CCDC63: variants seen among roughly 807,000 people sequenced by gnomAD.
The protein encoded by CCDC63 is coiled-coil domain-containing protein 63.
CCDC63 carries 54 observed loss-of-function variants against 63.6 expected under a neutral mutation model. That is an observed-to-expected ratio of 0.85 (90% CI 0.68 to 1.07). CCDC63 has a LOEUF of 1.07. Among genes scored for constraint, CCDC63 ranks in the 50% least tolerant of loss-of-function variants. The pLI, the probability that CCDC63 is intolerant of heterozygous loss-of-function variation, is 0.00. For missense variants in CCDC63, 637 were observed against 689.6 expected (o/e 0.92, Z 0.86); for synonymous variants, 253 against 266.1 (o/e 0.95, Z 0.48).
chr12:110,859,370 A>C lies in CCDC63; in HGVS notation c.369+595A>C, dbSNP rs139959600. Among the ~76,000 whole-genome samples, 24 of 151,818 alleles carry C rather than the reference A, an allele frequency of 1.6e-4. No homozygotes were observed. In the East Asian group the frequency reaches 4.6e-3, roughly 29 times the overall value. Reference sequence around the variant, plus strand: ...TGCCCAGGCTGGAATGCAGTGGTGCAATCTTGGCTCACTGCAACCTCTGCT... The same window carrying C: ...TGCCCAGGCTGGAATGCAGTGGTGCCATCTTGGCTCACTGCAACCTCTGCT... On this transcript the variant is annotated intron_variant, in intron 4 of 11. Coordinates refer to ENST00000308208, the MANE Select transcript of CCDC63 (RefSeq NM_152591.3).
chr12:110,875,053 C>T (rs1264790380), intron 5 of CCDC63, among the ~76,000 whole-genome samples: 1 of 152,154 alleles, frequency 6.6e-6, no homozygotes, highest in African/African-American at 2.4e-5. Context: ...CTCTTAGCTT[C>T]CCCCAGACTT....
In CCDC63 at chr12:110,899,097, C is replaced by T. The variant is rs1166710529; in HGVS notation, c.1314C>T (p.Val438=). The part of the protein sequence containing the change: ...ILVQLGETGK[V]TDINLPQYFA... ...TGCAGTTAGGGGAGACGGGGAAAGTCACTGACATCAACCTTCCGCAGTATT... is the reference window on the plus strand; with the variant it reads ...TGCAGTTAGGGGAGACGGGGAAAGTTACTGACATCAACCTTCCGCAGTATT... The change falls in exon 10 of 12, where the codon GTC becomes GTT. Residue 438 remains valine, a synonymous_variant. Transcript: ENST00000308208. 36 of 1,612,806 alleles carry T rather than the reference C, an allele frequency of 2.2e-5. No individual in the cohort carries two copies. The highest frequency in any genetic ancestry group is 2.8e-5 in the Non-Finnish European group (33 of 1,179,470).
At chr12:110,888,582 A>C (rs2071314067) in intron 8 of CCDC63, among the ~76,000 whole-genome samples, 2 of 152,324 alleles carry the variant, frequency 1.3e-5, no homozygotes, top group Non-Finnish European at 2.9e-5. Flanking sequence ...CTGTTGAATA[A>C]GTCCAGAGAG....
Position 110,884,269 on chromosome 12 carries a change from T to A in CCDC63, c.1074+19T>A, listed in dbSNP as rs757729675. The A allele has an allele frequency of 3.1e-6, 5 of 1,603,466 alleles. No homozygotes were observed. In the East Asian group the frequency reaches 1.1e-4, roughly 36 times the overall value. ...AATCCAGGTCAGGGCGGCTCTGCTT[T>A]CCCAGGCCCTGGGCCCCTGTGTCCA... On this transcript the variant is annotated intron_variant, in intron 8 of 11. Transcript: ENST00000308208.
chr12:110,868,401 A>T (rs931548020), intron 4 of CCDC63, among the ~76,000 whole-genome samples: 8 of 150,074 alleles, frequency 5.3e-5, no homozygotes, highest in Non-Finnish European at 1.2e-4. Context: ...TGTAGGTTGT[A>T]GCGAGCCGAG....
chr12:110,844,522 A>C (rs1418360792), upstream of CCDC63, among the ~76,000 whole-genome samples: 1 of 152,220 alleles, frequency 6.6e-6, no homozygotes, highest in African/African-American at 2.4e-5. Flanking sequence ...GTAGAAAAGC[A>C]TCTCCCTCTA....
chr12:110,905,780 T>C (rs2071551805), intron 11 of CCDC63, among the ~76,000 whole-genome samples: 1 of 141,430 alleles, frequency 7.1e-6, no homozygotes, highest in Non-Finnish European at 1.5e-5. Flanking sequence ...CTAAAAACAT[T>C]CTCTACATAT....
chr12:110,857,343 T>C (rs984091920), intron 3 of CCDC63, among the ~76,000 whole-genome samples: 2 of 149,934 alleles, frequency 1.3e-5, no homozygotes, highest in African/African-American at 4.9e-5. Context: ...GCCAGGCTGG[T>C]CTCGAACTCC....
At chr12:110,858,551 G>A in intron 3 of CCDC63, 35 bp from the exon 4 acceptor site, 1 of 1,583,614 alleles carries the variant, frequency 6.3e-7, no homozygotes. Flanking sequence ...TAAACTTAGG[G>A]GTTTGGGGTT....
At chr12:110,854,475 A>G (rs2070746305) in intron 3 of CCDC63, among the ~76,000 whole-genome samples, 1 of 151,338 alleles carries the variant, frequency 6.6e-6, no homozygotes, top group South Asian at 2.1e-4. Context: ...TTGTATTTTT[A>G]GTAGAGGCAA....
At position 110,904,874 on chromosome 12, in the gene CCDC63, A is replaced by G. The variant is rs2071539179; in HGVS notation, c.1546+83A>G. 3.5e-6 allele frequency: 4 copies of G among 1,157,578 alleles called. No individual in the cohort carries two copies. In the South Asian group the frequency reaches 4.6e-5, roughly 13 times the overall value. The allele number at this position is 1,157,578 out of a possible 1,614,324, so 71.7% of individuals were successfully genotyped here. A position where few individuals can be genotyped will look rare whatever the true frequency, so the allele number is the denominator to read the frequency against. On this transcript the variant is annotated intron_variant, in intron 11 of 11. Coordinates refer to ENST00000308208, the MANE Select transcript of CCDC63 (RefSeq NM_152591.3). ...TGGGGAGACCGTGTCCAGGTGCCCG[A>G]GAGGGTCTGCAGTGTTGAACCTCGG... is the stretch of plus-strand genomic sequence containing the variant.
upstream of CCDC63, among the ~76,000 whole-genome samples, chr12:110,845,329 T>G (rs1215143001): frequency 6.6e-6 from 1 of 152,170 alleles, no homozygotes; most frequent in Non-Finnish European, 1.5e-5. Context: ...GATATCAGCT[T>G]GCAGGGCTGC....
intron 3 of CCDC63, among the ~76,000 whole-genome samples, chr12:110,855,824 A>G (rs908130628): frequency 2.6e-5 from 4 of 151,816 alleles, no homozygotes; most frequent in African/African-American, 9.7e-5. Flanking sequence ...CAGGTGATCC[A>G]CCCGCCTCGG....
chr12:110,854,353 G>A (rs904219701), intron 3 of CCDC63, among the ~76,000 whole-genome samples: 3 of 128,332 alleles, frequency 2.3e-5, no homozygotes, highest in African/African-American at 5.8e-5. Flanking sequence ...AGTTGGCAAT[G>A]GCGTGATCCC....
rs114683314 is a variant in CCDC63 at position 110,850,779 on chromosome 12, G to A, written c.-96-2080G>A. On this transcript the variant is annotated intron_variant, in intron 1 of 11. Transcript: ENST00000308208. ...TAAATAAATAAAAATAAAGAGCAGC[G>A]TCCAGTCTTTTACAGATCTCTTTGC... 4.8e-3 allele frequency among the ~76,000 whole-genome samples: 733 copies of A among 152,124 alleles called. 8 individuals are homozygous for A. Among genetic ancestry groups the A allele is most frequent in the African/African-American group, 0.017 (716 of 41,506 alleles).
chr12:110,877,353 C>CA (rs2071144105), intron 5 of CCDC63, among the ~76,000 whole-genome samples: 1 of 151,742 alleles, frequency 6.6e-6, no homozygotes, highest in Admixed American at 6.6e-5. Flanking sequence ...GCTGGGACTA[C>CA]AGGTGTGCGC....
chr12:110,897,174 C>A (rs879793133), intron 9 of CCDC63, among the ~76,000 whole-genome samples: 2 of 151,876 alleles, frequency 1.3e-5, no homozygotes, highest in Non-Finnish European at 2.9e-5. Flanking sequence ...TGGCTCACAT[C>A]TGTTAATCCC....
At chr12:110,901,244 G>A (rs576425507) in intron 10 of CCDC63, among the ~76,000 whole-genome samples, 15 of 152,130 alleles carry the variant, frequency 9.9e-5, no homozygotes, top group East Asian at 1.9e-4. Flanking sequence ...AAAACGGGGC[G>A]TCCATCCCCT....
chr12:110,866,035 T>C (rs1356480107), intron 4 of CCDC63, among the ~76,000 whole-genome samples: 1 of 152,182 alleles, frequency 6.6e-6, no homozygotes, highest in Non-Finnish European at 1.5e-5. Context: ...TGGAGTGTAG[T>C]GGTGCATCCT....
Sources: gnomAD v4.1 joint callset for allele counts (sites outside exome capture counted in the v4.1 genomes callset) on GRCh38, gnomAD v4.1.1 for gene constraint, MANE v1.5 for transcripts, NCBI Gene and HGNC (gene_info 2026-07-23, HGNC 2026-07-21) for gene names.